The following FLAD1 variants were observed in gnomAD, a reference collection of about 807,000 sequenced individuals.
FLAD1 encodes the protein bifunctional FAD diphosphatase/FAD synthase.
A neutral mutation model predicts 55.0 loss-of-function variants in FLAD1; 35 were observed. That is an observed-to-expected ratio of 0.64 (90% CI 0.49 to 0.84). The LOEUF (loss-of-function observed/expected upper bound fraction) is 0.84, where lower values mean the gene tolerates loss of function less well. Among genes scored for constraint, FLAD1 ranks in the 40% least tolerant of loss-of-function variants. The pLI is 0.00. For synonymous variants in FLAD1, 267 were observed against 303.0 expected (o/e 0.88, Z 1.23); for missense variants, 665 against 742.6 (o/e 0.90, Z 1.21).
At chr1:154,992,637 G>C (rs7535144) in intron 5 of FLAD1, 76 bp from the exon 6 acceptor site, 1 of 1,613,900 alleles carries the variant, frequency 6.2e-7, no homozygotes, top group Non-Finnish European at 8.5e-7. Context: ...CCATGGATGG[G>C]CCCCTTCCCA....
Position 154,993,063 on chromosome 1 carries a change from G to T in FLAD1, c.*26G>T. 1.9e-6 allele frequency: 3 copies of T among 1,606,258 alleles called. No individual in the cohort carries two copies. The South Asian group carries it at 3.3e-5, about 18-fold the overall frequency. On this transcript the variant is annotated 3_prime_UTR_variant, in exon 7 of 7. Coordinates refer to ENST00000292180, the MANE Select transcript of FLAD1 (RefSeq NM_025207.5). ...CCTCCCACCCTAGGAGGGAGGGAAG[G>T]ACACCGTCCTAGGGTATAACCTGGC... is the stretch of plus-strand genomic sequence containing the variant.
Position 154,988,793 on chromosome 1 carries a change from A to G in FLAD1, c.1061A>G (p.Tyr354Cys). The stretch of plus-strand genomic sequence containing the variant: ...TTGCCCCAGGGATCGCTGGTCCCCT[A>G]CATGCCCAACGCTGTGGAGCAGGCC... ...ARLPQGSLVP[Y>C]MPNAVEQASE... The change falls in exon 2 of 7, where the codon TAC becomes TGC. Residue 354 changes from tyrosine to cysteine, a missense_variant. By Grantham distance (194) the Tyr-to-Cys change is radical. Transcript: ENST00000292180. The G allele has an allele frequency of 2.5e-6, 4 of 1,614,166 alleles. No individual in the cohort carries two copies. Among genetic ancestry groups the G allele is most frequent in the Non-Finnish European group, 3.4e-6 (4 of 1,180,028 alleles).
chr1:154,987,132 G>T (rs1327711436), intron 1 of FLAD1, among the ~76,000 whole-genome samples: 1 of 151,152 alleles, frequency 6.6e-6, no homozygotes. Flanking sequence ...GGCTCAAGCA[G>T]CCCACCCACT....
At position 154,983,547 on chromosome 1, in the gene FLAD1, A is replaced by T; in HGVS notation, c.-148A>T. Reference sequence around the variant, plus strand: ...ATTGAAAAGGGCCAAGGCCCAGGATAAGGTAGACATTTAAAGGGGTACGGA... The same window carrying T: ...ATTGAAAAGGGCCAAGGCCCAGGATTAGGTAGACATTTAAAGGGGTACGGA... On this transcript the variant is annotated 5_prime_UTR_variant, in exon 1 of 7. Coordinates refer to ENST00000292180, the MANE Select transcript of FLAD1 (RefSeq NM_025207.5). 1 of 764,548 alleles carries T rather than the reference A, an allele frequency of 1.3e-6. No individual in the cohort carries two copies. Among genetic ancestry groups the T allele is most frequent in the South Asian group, 2.0e-5 (1 of 50,386 alleles). The allele number at this position is 764,548 out of a possible 1,614,324, so 47.4% of individuals were successfully genotyped here.
At chr1:154,985,531 T>A (rs1657545597) in intron 1 of FLAD1, among the ~76,000 whole-genome samples, 1 of 151,836 alleles carries the variant, frequency 6.6e-6, no homozygotes, top group African/African-American at 2.4e-5. Flanking sequence ...GCCTCCCAAG[T>A]GGCTGGGACT....
Position 154,992,457 on chromosome 1 carries a change from C to CAGAT in FLAD1, c.1555-256_1555-255insAGAT, listed in dbSNP as rs1657921952. Reference sequence around the variant, plus strand: ...GACTCCGTCTCAAAAAAAAAATAGACGGTTTCTCCCTGTCCTCAAGCTCCA... The same window carrying CAGAT: ...GACTCCGTCTCAAAAAAAAAATAGACAGATGGTTTCTCCCTGTCCTCAAGCTCCA... On this transcript the variant is annotated intron_variant, in intron 5 of 6. Transcript: ENST00000292180. 3.0e-6 allele frequency: 3 copies of CAGAT among 985,120 alleles called. No homozygotes were observed. The African/African-American group carries it at 5.0e-5, about 16-fold the overall frequency. 61.0% of individuals were successfully genotyped at this position (985,120 alleles called of 1,614,324 possible).
intron 2 of FLAD1, 137 bp from the exon 3 acceptor site, chr1:154,989,423 C>G (rs1381260567): frequency 2.3e-6 from 2 of 866,150 alleles, no homozygotes; most frequent in Admixed American, 2.9e-5. Context: ...GCCTAGCGGG[C>G]AGCATGAAGG....
At chr1:154,987,881 G>T in intron 1 of FLAD1, 1 of 1,378,434 alleles carries the variant, frequency 7.3e-7, no homozygotes, top group Non-Finnish European at 9.5e-7. Flanking sequence ...GCAGTGAACT[G>T]TGACTGAGCC....
Position 154,988,736 on chromosome 1 carries a change from T to G in FLAD1, c.1004T>G (p.Leu335Arg), listed in dbSNP as rs1657733882. 3 of 1,614,210 alleles carry G rather than the reference T, an allele frequency of 1.9e-6. No individual in the cohort carries two copies. In the Middle Eastern group the frequency reaches 4.9e-4, roughly 266 times the overall value. The change falls in exon 2 of 7, where the codon CTG (leucine) becomes CGG (arginine). Residue 335 changes from leucine to arginine, a missense_variant. Physicochemically the swap from Leu to Arg is moderately radical, Grantham distance 102. Transcript: ENST00000292180. The part of the protein sequence containing the change: ...LTLDSEEEGP[L>R]EECLAYLTAR... ...CTAGACTCAGAGGAAGAAGGACCCC[T>G]GGAGGAATGCTTGGCCTACCTGACT...
rs749772991 is a variant in FLAD1 at position 154,985,031 on chromosome 1, A to ATTT, written c.372+996_372+998dup. On this transcript the variant is annotated intron_variant, in intron 1 of 6. Transcript: ENST00000292180. ...AGGTGTTAGCCGCCACACCTGGCTA[A>ATTT]TTTTTTTTTTTTTTTTTTTTTTTTT... 1.5e-3 allele frequency among the ~76,000 whole-genome samples: 48 copies of ATTT among 32,586 alleles called. 2 individuals are homozygous for ATTT. Among genetic ancestry groups the ATTT allele is most frequent in the African/African-American group, 2.5e-3 (20 of 8,076 alleles). The allele number at this position is 32,586 out of a possible 152,430, so 21.4% of individuals were successfully genotyped here. A position where few individuals can be genotyped will look rare whatever the true frequency, so the allele number is the denominator to read the frequency against.
At chr1:154,984,142 G>A in intron 1 of FLAD1, 76 bp downstream of exon 1, 1 of 1,311,674 alleles carries the variant, frequency 7.6e-7, no homozygotes, top group Non-Finnish European at 1.0e-6. Context: ...TCCCTCCATG[G>A]AAGGAGGTGA....
chr1:154,990,101 C>A, intron 3 of FLAD1, 58 bp from the exon 4 acceptor site: 7 of 1,373,326 alleles, frequency 5.1e-6, no homozygotes, highest in Non-Finnish European at 7.3e-6. Context: ...TGAGCTGTTT[C>A]AGGGGAGCCA....
intron 1 of FLAD1, among the ~76,000 whole-genome samples, chr1:154,984,436 G>A (rs867953743): frequency 2.6e-5 from 4 of 152,166 alleles, no homozygotes; most frequent in East Asian, 1.9e-4. Flanking sequence ...AGTTTTGGCC[G>A]GGTGCGGTGG....
chr1:154,993,007 C>T lies in FLAD1; in HGVS notation c.1734C>T (p.Asn578=), dbSNP rs557549662. The T allele has an allele frequency of 1.7e-5, 27 of 1,613,944 alleles. No individual in the cohort carries two copies. Among genetic ancestry groups the T allele is most frequent in the Non-Finnish European group, 2.0e-5 (24 of 1,179,992 alleles). The change falls in exon 7 of 7, where the codon AAC becomes AAT. Residue 578 remains asparagine, a synonymous_variant. Coordinates refer to ENST00000292180, the MANE Select transcript of FLAD1 (RefSeq NM_025207.5). ...PTYRPAYLLE[N]EEEERNSRT ...ACCGTCCAGCCTATCTACTGGAGAA[C>T]GAAGAAGAGGAGCGGAACTCCCGCA...
At position 154,989,611 on chromosome 1, in the gene FLAD1, C is replaced by T. The variant is rs1289099004; in HGVS notation, c.1169C>T (p.Ser390Phe). ...VAGALQTIET[S>F]LAQYSLTQLC... ...GGTGCCCTACAGACCATTGAGACCT[C>T]CCTGGCTCAGTACAGCCTCACCCAG... Residue 390 changes from serine to phenylalanine, a missense_variant, in exon 3 of 7, where the codon TCC becomes TTC. Physicochemically the swap from Ser to Phe is radical, Grantham distance 155. Coordinates refer to ENST00000292180, the MANE Select transcript of FLAD1 (RefSeq NM_025207.5). The T allele has an allele frequency of 6.2e-7, 1 of 1,604,278 alleles. No individual in the cohort carries two copies. The highest frequency in any genetic ancestry group is 8.5e-7 in the Non-Finnish European group (1 of 1,174,794).
In FLAD1 at chr1:154,983,739, A is replaced by G; in HGVS notation, c.45A>G (p.Gln15=). ...LGTRLFQRQE[Q]RSRLSRIWLE... ...CACGTTTATTCCAGAGGCAGGAACA[A>G]AGGAGTCGCTTGTCAAGGATCTGGT... The change falls in exon 1 of 7, where the codon CAA becomes CAG. Residue 15 remains glutamine, a synonymous_variant. Transcript: ENST00000292180. 1.2e-6 allele frequency: 2 copies of G among 1,614,054 alleles called. No individual in the cohort carries two copies. Among genetic ancestry groups the G allele is most frequent in the South Asian group, 2.2e-5 (2 of 91,080 alleles).
intron 1 of FLAD1, among the ~76,000 whole-genome samples, chr1:154,985,227 T>G (rs1657524209): frequency 1.4e-5 from 2 of 140,798 alleles, no homozygotes; most frequent in East Asian, 1.9e-4. Flanking sequence ...TGTGTTTTTT[T>G]TGTTTTTTTT....
At chr1:154,987,249 G>A (rs1490982087) in intron 1 of FLAD1, among the ~76,000 whole-genome samples, 2 of 151,554 alleles carry the variant, frequency 1.3e-5, no homozygotes, top group East Asian at 1.9e-4. Context: ...GGTTGGTCTC[G>A]AACTTCTGAG....
chr1:154,990,625 A>G, intron 5 of FLAD1, 97 bp downstream of exon 5: 1 of 1,235,574 alleles, frequency 8.1e-7, no homozygotes, highest in Non-Finnish European at 1.1e-6. Flanking sequence ...AGAGCCTGGA[A>G]CCTGGATGAA....
Sources: gnomAD v4.1 joint callset for allele counts (sites outside exome capture counted in the v4.1 genomes callset) on GRCh38, gnomAD v4.1.1 for gene constraint, MANE v1.5 for transcripts, NCBI Gene and HGNC (gene_info 2026-07-23, HGNC 2026-07-21) for gene names.